The following LAMA3 variants were observed in gnomAD, a reference collection of about 807,000 sequenced individuals.
LAMA3 encodes the protein laminin subunit alpha 3.
In LAMA3, 281 loss-of-function variants were observed where a neutral mutation model predicts 402.0. That is an observed-to-expected ratio of 0.70 (90% confidence interval 0.63 to 0.77). The LOEUF (loss-of-function observed/expected upper bound fraction) is 0.77. LAMA3 is among the 30% of genes least tolerant of loss of function. The pLI, the probability that LAMA3 is intolerant of heterozygous loss-of-function variation, is 0.00. For synonymous variants in LAMA3, 1,431 were observed against 1,558.4 expected (o/e 0.92, Z 1.93); for missense variants, 3,840 against 4,215.5 (o/e 0.91, Z 2.47).
rs375114098 is a variant in LAMA3 at position 23,827,444 on chromosome 18, A to G, written c.2800A>G (p.Met934Val). The change falls in exon 23 of 75, where the codon ATG becomes GTG. Residue 934 changes from methionine to valine, a missense_variant. By Grantham distance (21) the Met-to-Val change is conservative. Coordinates refer to ENST00000313654, the MANE Select transcript of LAMA3 (RefSeq NM_198129.4). Reference protein sequence around the residue: ...VRQPTPAHPVMVDLSGREVEL... With the variant: ...VRQPTPAHPVVVDLSGREVEL... ...GCAGCCCACACCTGCACACCCTGTC[A>G]TGGTGGACCTCAGCGGGAGAGAGGT... 1.2e-6 allele frequency: 2 copies of G among 1,614,204 alleles called. No homozygotes were observed. Among genetic ancestry groups the G allele is most frequent in the Non-Finnish European group, 1.7e-6 (2 of 1,180,052 alleles).
intron 2 of LAMA3, among the ~76,000 whole-genome samples, chr18:23,726,062 C>T (rs983797662): frequency 2.4e-4 from 36 of 152,222 alleles, no homozygotes; most frequent in African/African-American, 8.7e-4. Context: ...GTCATCCTTG[C>T]TGGGCAGACT....
intron 1 of LAMA3, among the ~76,000 whole-genome samples, chr18:23,708,029 T>C (rs2060922521): frequency 6.6e-6 from 1 of 152,244 alleles, no homozygotes; most frequent in African/African-American, 2.4e-5. Flanking sequence ...TTTTTTCTAC[T>C]ATGAGAGTTT....
In LAMA3 at chr18:23,904,089, T is replaced by A. The variant is rs1275015633; in HGVS notation, c.6473+2T>A. On this transcript the variant is annotated splice_donor_variant, in intron 50 of 74. Transcript: ENST00000313654. LOFTEE classifies it high-confidence loss of function. ...AGAGCTGGCAAAGCAGCTGGAAGAG[T>A]GAGTGCATGGCCCAGGAGACCAGAA... The A allele has an allele frequency of 6.2e-7, 1 of 1,612,624 alleles. No homozygotes were observed. The highest frequency in any genetic ancestry group is 8.5e-7 in the Non-Finnish European group (1 of 1,179,860).
intron 11 of LAMA3, among the ~76,000 whole-genome samples, chr18:23,779,203 C>T (rs2062386242): frequency 6.6e-6 from 1 of 152,054 alleles, no homozygotes; most frequent in African/African-American, 2.4e-5. Context: ...GAGACAGGAG[C>T]CATGGAGAGT....
chr18:23,867,403 GA>G (rs2144783063), intron 36 of LAMA3, among the ~76,000 whole-genome samples: 1 of 152,038 alleles, frequency 6.6e-6, no homozygotes, highest in South Asian at 2.1e-4. Context: ...ACAAAAATAA[GA>G]AGGGTGTGGT....
chr18:23,805,973 T>C (rs1307967548), intron 12 of LAMA3, among the ~76,000 whole-genome samples: 1 of 152,212 alleles, frequency 6.6e-6, no homozygotes, highest in Non-Finnish European at 1.5e-5. Context: ...TTTTTATGTT[T>C]CAAGTTAGAC....
intron 12 of LAMA3, among the ~76,000 whole-genome samples, chr18:23,789,473 A>G (rs1444150329): frequency 6.6e-6 from 1 of 152,230 alleles, no homozygotes; most frequent in East Asian, 1.9e-4. Context: ...ACAATAGAAT[A>G]TTATTTAGCA....
intron 23 of LAMA3, among the ~76,000 whole-genome samples, chr18:23,828,236 T>G (rs2063423829): frequency 6.6e-6 from 1 of 152,246 alleles, no homozygotes; most frequent in African/African-American, 2.4e-5. Context: ...TATGTGGAGT[T>G]AATTGTAACT....
chr18:23,851,029 T>A lies in LAMA3; in HGVS notation c.4136+3361T>A, dbSNP rs143105611. Among the ~76,000 whole-genome samples, 343 of 152,366 alleles carry A rather than the reference T, an allele frequency of 2.3e-3. 3 individuals are homozygous for A. The highest frequency in any genetic ancestry group is 7.8e-3 in the African/African-American group (324 of 41,590). On this transcript the variant is annotated intron_variant, in intron 32 of 74. Coordinates refer to ENST00000313654, the MANE Select transcript of LAMA3 (RefSeq NM_198129.4). ...TCTCCACTCAGATTTACTAAGCCTT[T>A]GTGTTAAATGGAGAAATTAAAAACC...
At chr18:23,767,058 C>A (rs1269233210) in intron 8 of LAMA3, among the ~76,000 whole-genome samples, 1 of 151,928 alleles carries the variant, frequency 6.6e-6, no homozygotes, top group East Asian at 1.9e-4. Context: ...TTCTATGCAC[C>A]AATAATGTTC....
intron 7 of LAMA3, among the ~76,000 whole-genome samples, chr18:23,762,252 T>G (rs1490480975): frequency 6.6e-6 from 1 of 151,998 alleles, no homozygotes; most frequent in Admixed American, 6.6e-5. Flanking sequence ...TTCAAGTTGT[T>G]GACCTAAAGG....
chr18:23,946,403 T>G, intron 70 of LAMA3, 119 bp downstream of exon 70: 1 of 1,145,568 alleles, frequency 8.7e-7, no homozygotes, highest in Admixed American at 1.9e-5. Flanking sequence ...TAAATGATTT[T>G]TAAGGATCTA....
At chr18:23,952,831 G>A (rs1447303060) in intron 73 of LAMA3, among the ~76,000 whole-genome samples, 159 bp from the exon 74 acceptor site, 3 of 152,222 alleles carry the variant, frequency 2.0e-5, no homozygotes, top group Admixed American at 2.0e-4. Context: ...ACTACCTGGT[G>A]TTTAGAGGAA....
chr18:23,763,373 G>A, intron 7 of LAMA3, 32 bp from the exon 8 acceptor site: 1 of 1,256,480 alleles, frequency 8.0e-7, no homozygotes, highest in South Asian at 1.2e-5. Context: ...TAGTAATAAT[G>A]AGAATATTGA....
chr18:23,810,084 G>C (rs764397248), intron 12 of LAMA3, among the ~76,000 whole-genome samples: 2 of 152,118 alleles, frequency 1.3e-5, no homozygotes, highest in African/African-American at 2.4e-5. Flanking sequence ...TTGAGTGCTC[G>C]CTATGATAGG....
chr18:23,882,905 G>T (rs952299429), intron 40 of LAMA3, among the ~76,000 whole-genome samples: 9 of 152,202 alleles, frequency 5.9e-5, no homozygotes, highest in African/African-American at 2.2e-4. Context: ...AGGTATAACT[G>T]GAGATAGAGA....
At chr18:23,898,690 C>G (rs1381719537) in intron 44 of LAMA3, 48 bp from the exon 45 acceptor site, 1 of 1,032,562 alleles carries the variant, frequency 9.7e-7, no homozygotes. Context: ...GTTGATAGGA[C>G]TTAGTCTTTA....
chr18:23,767,033 A>G (rs1269759744), intron 8 of LAMA3, among the ~76,000 whole-genome samples: 1 of 152,210 alleles, frequency 6.6e-6, no homozygotes, highest in East Asian at 1.9e-4. Flanking sequence ...TTCAGGATAC[A>G]AAGATCAGTA....
chr18:23,807,545 C>T (rs1048886098), intron 12 of LAMA3, among the ~76,000 whole-genome samples: 14 of 151,688 alleles, frequency 9.2e-5, no homozygotes, highest in African/African-American at 2.7e-4. Context: ...GGACTTGATT[C>T]ACACAGTTGT....
Sources: gnomAD v4.1 joint callset for allele counts (sites outside exome capture counted in the v4.1 genomes callset) on GRCh38, gnomAD v4.1.1 for gene constraint, MANE v1.5 for transcripts, NCBI Gene and HGNC (gene_info 2026-07-23, HGNC 2026-07-21) for gene names.